Variants in RNF145 observed in about 807,000 individuals in gnomAD.
The protein encoded by RNF145 is ring finger protein 145.
Under a neutral mutation model 57.3 loss-of-function variants are expected in RNF145, and 12 were observed. The ratio of observed to expected loss-of-function variants is 0.21; its 90% confidence interval spans 0.13 to 0.34. The LOEUF (loss-of-function observed/expected upper bound fraction) is 0.34, where lower values mean the gene tolerates loss of function less well. Ranked by LOEUF, RNF145 falls within the 10% of genes least tolerant of loss-of-function variation. The pLI is 1.00. For synonymous variants in RNF145, 262 were observed against 288.3 expected, an observed-to-expected ratio of 0.91 and a Z score of 0.92; for missense variants, 429 against 799.0, an observed-to-expected ratio of 0.54 and a Z score of 5.58.
At chr5:159,163,115 G>A in intron 8 of RNF145, 36 bp from the exon 9 acceptor site, 2 of 1,560,726 alleles carry the variant, frequency 1.3e-6, no homozygotes, top group South Asian at 1.2e-5. Context: ...TTAAGTGCCT[G>A]CCACCTAGTA....
intron 9 of RNF145, 62 bp from the exon 10 acceptor site, chr5:159,161,684 G>A: frequency 1.1e-6 from 1 of 933,878 alleles, no homozygotes; most frequent in South Asian, 1.6e-5. Flanking sequence ...TTTTTTCATA[G>A]GCTTTAAACA....
chr5:159,186,435 G>A (rs955412533), intron 3 of RNF145, among the ~76,000 whole-genome samples: 1 of 152,158 alleles, frequency 6.6e-6, no homozygotes, highest in African/African-American at 2.4e-5. Flanking sequence ...GGAACAACTT[G>A]TACATTCTGG....
intron 6 of RNF145, among the ~76,000 whole-genome samples, chr5:159,171,674 T>C (rs1434461846): frequency 1.3e-5 from 2 of 152,192 alleles, no homozygotes; most frequent in African/African-American, 4.8e-5. Flanking sequence ...TTTGATCTGG[T>C]GTGCTTTATT....
rs569010291 is a variant in RNF145, at chr5:159,161,678, T to C, written c.1270-56A>G. 1.9e-5 allele frequency: 19 copies of C among 1,008,080 alleles called. No individual in the cohort carries two copies. The African/African-American group carries it at 3.0e-4, about 16-fold the overall frequency. 62.4% of individuals were successfully genotyped at this position (1,008,080 alleles called of 1,614,324 possible). ...GAAATATGATCACTAAGATACTTTTTTCATAGGCTTTAAACAATAACACAT... is the reference window on the plus strand; with the variant it reads ...GAAATATGATCACTAAGATACTTTTCTCATAGGCTTTAAACAATAACACAT... On this transcript the variant is annotated intron_variant, in intron 9 of 10. Transcript: ENST00000424310.
intron 1 of RNF145, among the ~76,000 whole-genome samples, chr5:159,205,491 T>C (rs1785844576): frequency 6.6e-6 from 1 of 152,214 alleles, no homozygotes; most frequent in African/African-American, 2.4e-5. Context: ...AAGAGTTTAA[T>C]GCATTTTAAT....
At chr5:159,209,619 C>G (rs1301799550), upstream of RNF145, 3 of 1,044,532 alleles carry the variant, frequency 2.9e-6, no homozygotes, top group African/African-American at 1.7e-5. Context: ...GCGCGCCCCT[C>G]CCGCGCGCGC....
intron 9 of RNF145, 64 bp downstream of exon 9, chr5:159,162,868 C>T: frequency 7.4e-7 from 1 of 1,359,690 alleles, no homozygotes; most frequent in Non-Finnish European, 1.0e-6. Context: ...AAATTTAATT[C>T]CTCCTCTGGG....
intron 8 of RNF145, among the ~76,000 whole-genome samples, chr5:159,165,312 CT>C (rs1784356295): frequency 6.6e-6 from 1 of 152,182 alleles, no homozygotes; most frequent in African/African-American, 2.4e-5. Flanking sequence ...CTCTTCCCTG[CT>C]TCCCTTTTTA....
At chr5:159,194,332 C>T (rs1037070844) in intron 3 of RNF145, among the ~76,000 whole-genome samples, 3 of 152,110 alleles carry the variant, frequency 2.0e-5, no homozygotes, top group African/African-American at 4.8e-5. Context: ...CCACCATGCC[C>T]GGCTAATTTT....
chr5:159,208,865 C>T (rs1785996554), intron 1 of RNF145, among the ~76,000 whole-genome samples: 1 of 146,708 alleles, frequency 6.8e-6, no homozygotes, highest in Non-Finnish European at 1.5e-5. Context: ...AAGGGCATCT[C>T]AGGAATGTAA....
chr5:159,186,594 T>C (rs927860358), intron 3 of RNF145, among the ~76,000 whole-genome samples: 2 of 152,236 alleles, frequency 1.3e-5, no homozygotes, highest in Non-Finnish European at 2.9e-5. Flanking sequence ...AATACCTGTA[T>C]TTCCTTATAT....
chr5:159,164,056 C>T (rs1784317968), intron 8 of RNF145, among the ~76,000 whole-genome samples: 1 of 152,172 alleles, frequency 6.6e-6, no homozygotes, highest in Non-Finnish European at 1.5e-5. Flanking sequence ...TAACATAAAT[C>T]ATCTCTCCTA....
At chr5:159,208,411 C>T (rs562321969) in intron 1 of RNF145, among the ~76,000 whole-genome samples, 4 of 151,820 alleles carry the variant, frequency 2.6e-5, no homozygotes, top group Non-Finnish European at 5.9e-5. Flanking sequence ...GAACTCATTC[C>T]AGAAAGGGGG....
upstream of RNF145, chr5:159,209,848 C>T: frequency 6.5e-7 from 1 of 1,536,016 alleles, no homozygotes; most frequent in East Asian, 2.4e-5. Flanking sequence ...CACACCCACA[C>T]TCACCTGCAG....
At chr5:159,181,856 C>A in intron 4 of RNF145, 104 bp downstream of exon 4, 2 of 671,644 alleles carry the variant, frequency 3.0e-6, no homozygotes, top group Admixed American at 2.4e-5. Context: ...CCATGAATCA[C>A]TTTTGAGAAT....
chr5:159,207,394 C>T, intron 1 of RNF145: 1 of 870,680 alleles, frequency 1.1e-6, no homozygotes, highest in Non-Finnish European at 1.7e-6. Context: ...ACAAGAATGA[C>T]ACGTGACCCA....
intron 3 of RNF145, among the ~76,000 whole-genome samples, chr5:159,184,759 C>G (rs769031293): frequency 2.0e-5 from 3 of 152,138 alleles, no homozygotes; most frequent in South Asian, 2.1e-4. Flanking sequence ...TTAACTATTT[C>G]CTTTTCTTTT....
At position 159,201,683 on chromosome 5, in the gene RNF145, T is replaced by C. The variant is rs1785672526; in HGVS notation, c.184+1751A>G. Among the ~76,000 whole-genome samples, 7 of 152,310 alleles carry C rather than the reference T, an allele frequency of 4.6e-5. No individual in the cohort carries two copies. The South Asian group carries it at 1.4e-3, about 32-fold the overall frequency. On this transcript the variant is annotated intron_variant, in intron 2 of 10. Transcript: ENST00000424310. ...AAAAACCATGATTCAAAACCATGTATACCATGCTAACATCTGTATAAAAAG... is the reference window on the plus strand; with the variant it reads ...AAAAACCATGATTCAAAACCATGTACACCATGCTAACATCTGTATAAAAAG...
At chr5:159,202,602 C>T (rs565770360) in intron 2 of RNF145, among the ~76,000 whole-genome samples, 1 of 152,214 alleles carries the variant, frequency 6.6e-6, no homozygotes, top group East Asian at 1.9e-4. Flanking sequence ...AGAGACAGGA[C>T]AACTCTTCAT....
Sources: allele counts gnomAD v4.1 joint callset (sites outside exome capture counted in the v4.1 genomes callset), GRCh38; gene constraint gnomAD v4.1.1; transcripts MANE v1.5; gene names NCBI Gene and HGNC (gene_info 2026-07-23, HGNC 2026-07-21).